VWA5B1: variants seen among roughly 807,000 people sequenced by gnomAD.
VWA5B1 encodes von Willebrand factor A domain containing 5B1, also known as von Willebrand factor A domain-containing protein 5B1.
Under a neutral mutation model 118.2 loss-of-function variants are expected in VWA5B1, and 115 were observed. The observed-to-expected ratio is 0.97, with a 90% CI of 0.84 to 1.14. VWA5B1 has a LOEUF of 1.14. Ranked by LOEUF, VWA5B1 falls within the 50% of genes most tolerant of loss-of-function variation. VWA5B1 has a pLI of 0.00. For synonymous variants in VWA5B1, 682 were observed against 658.4 expected, an observed-to-expected ratio of 1.04 and a Z score of -0.55; for missense variants, 1,596 against 1,603.8, an observed-to-expected ratio of 1.00 and a Z score of 0.08.
Position 20,342,481 on chromosome 1 carries a change from G to C in VWA5B1, c.2183G>C (p.Gly728Ala), listed in dbSNP as rs375883216. The change falls in exon 15 of 22, where the codon GGC becomes GCC. Residue 728 changes from glycine (G) to alanine (A), a missense_variant. Coordinates refer to ENST00000289815, the MANE Select transcript of VWA5B1 (RefSeq NM_001039500.3). ...CTGAACCAGGGCCCCAAACTCCGTG[G>C]CCCAGGGGCCCGAAGGCCCTCTCTG... ...QDLNQGPKLR[G>A]PGARRPSLLP... 6.4e-7 allele frequency: 1 copy of C among 1,551,132 alleles called. No individual in the cohort carries two copies. Among genetic ancestry groups the C allele is most frequent in the Non-Finnish European group, 8.7e-7 (1 of 1,146,846 alleles).
Position 20,310,609 on chromosome 1 carries a change from G to T in VWA5B1, c.8G>T (p.Gly3Val), listed in dbSNP as rs2088817773. 2 of 1,537,644 alleles carry T rather than the reference G, an allele frequency of 1.3e-6. No homozygotes were observed. The highest frequency in any genetic ancestry group is 2.5e-5 in the East Asian group (1 of 40,358). ...GGCTGAGTAGCCAGCGGGATGCCCG[G>T]CTTGCTGAATTGGATCACGGGGGCA... Reference protein sequence around the residue: MPGLLNWITGAAL... With the variant: MPVLLNWITGAAL... The change falls in exon 2 of 22, where the codon GGC becomes GTC. Residue 3 changes from glycine (G) to valine (V), a missense_variant. Gly to Val is a moderately radical substitution (Grantham distance 109). Transcript: ENST00000289815.
intron 8 of VWA5B1, among the ~76,000 whole-genome samples, chr1:20,326,741 G>A (rs938191262): frequency 6.6e-6 from 1 of 152,040 alleles, no homozygotes; most frequent in Non-Finnish European, 1.5e-5. Context: ...GAGTTACCGT[G>A]CCCAGCCAAA....
Position 20,330,859 on chromosome 1 carries a change from T to C in VWA5B1, c.1458-10T>C, listed in dbSNP as rs2072753. The C allele has an allele frequency of 0.48, 744,772 of 1,550,690 alleles. 185,722 individuals carry two copies. The highest frequency in any genetic ancestry group is 0.94 in the East Asian group (38,387 of 40,904). On this transcript the variant is annotated splice_polypyrimidine_tract_variant and intron_variant, in intron 10 of 21. Transcript: ENST00000289815. The stretch of plus-strand genomic sequence containing the variant: ...AAGACATAGCAGCCTCTCTTCTCCC[T>C]TTCCGCCAGGTGCTATAGCTTTGGA...
chr1:20,307,693 A>T (rs1237484895), intron 1 of VWA5B1, among the ~76,000 whole-genome samples: 3 of 152,096 alleles, frequency 2.0e-5, no homozygotes, highest in Non-Finnish European at 4.4e-5. Flanking sequence ...CCAGTGGCTA[A>T]TTCAGGGCCT....
chr1:20,359,326 C>T lies in VWA5B1; in HGVS notation c.*5063C>T, dbSNP rs557614071. The stretch of plus-strand genomic sequence containing the variant: ...GACACTTTCTTCTTCTTGGGATATG[C>T]ATCACCTGCTTGCCTGGTAGCCAAT... On this transcript the variant is annotated 3_prime_UTR_variant, in exon 22 of 22. Transcript: ENST00000289815. 1.6e-4 allele frequency among the ~76,000 whole-genome samples: 25 copies of T among 152,248 alleles called. No homozygotes were observed. The highest frequency in any genetic ancestry group is 5.1e-4 in the African/African-American group (21 of 41,532).
intron 9 of VWA5B1, among the ~76,000 whole-genome samples, chr1:20,328,578 T>G (rs560515631): frequency 1.3e-5 from 2 of 152,148 alleles, no homozygotes; most frequent in South Asian, 4.2e-4. Flanking sequence ...GACAAGCAAA[T>G]GGGACACTTT....
chr1:20,299,054 A>G (rs114915542), intron 1 of VWA5B1, among the ~76,000 whole-genome samples: 2,034 of 152,212 alleles, frequency 0.013, 46 homozygotes, highest in African/African-American at 0.046. Context: ...AGAAAGAAAG[A>G]TTGCACTTAC....
At chr1:20,345,787 G>A (rs954067812) in intron 17 of VWA5B1, among the ~76,000 whole-genome samples, 194 bp downstream of exon 17, 4 of 152,236 alleles carry the variant, frequency 2.6e-5, no homozygotes, top group African/African-American at 9.6e-5. Flanking sequence ...CCACTGCTCT[G>A]CAGAGGCCGT....
chr1:20,327,448 T>G lies in VWA5B1; in HGVS notation c.1144-442T>G, dbSNP rs528184305. Reference sequence around the variant, plus strand: ...GTCCCACAGGAGGGCCAGAAGCCATTCCATCCACAGTGTGACCTGGACCAG... The same window carrying G: ...GTCCCACAGGAGGGCCAGAAGCCATGCCATCCACAGTGTGACCTGGACCAG... On this transcript the variant is annotated intron_variant, in intron 8 of 21. Transcript: ENST00000289815. Among the ~76,000 whole-genome samples the G allele has an allele frequency of 3.9e-5, 6 of 152,272 alleles. No homozygotes were observed. The South Asian group carries it at 1.2e-3, about 32-fold the overall frequency.
In VWA5B1 at chr1:20,313,039, G is replaced by C. The variant is rs1290078862; in HGVS notation, c.292+51G>C. The C allele has an allele frequency of 3.9e-6, 6 of 1,534,878 alleles. No individual in the cohort carries two copies. In the East Asian group the frequency reaches 1.2e-4, roughly 32 times the overall value. ...GGGACCTGGGTTTGGCCAGCCAGAG[G>C]CTGCCTGGGCTGGAGCCTCAGGCCA... On this transcript the variant is annotated intron_variant, in intron 3 of 21. Coordinates refer to ENST00000289815, the MANE Select transcript of VWA5B1 (RefSeq NM_001039500.3).
rs530863729 is a variant in VWA5B1, at chr1:20,314,628, G to T, written c.563+36G>T. On this transcript the variant is annotated intron_variant, in intron 4 of 21. Coordinates refer to ENST00000289815, the MANE Select transcript of VWA5B1 (RefSeq NM_001039500.3). Reference sequence around the variant, plus strand: ...CCTGCCCAGACCAATCAGAGTCCCAGGTGGGCAGCAGAGAGTGCGTCAGGT... The same window carrying T: ...CCTGCCCAGACCAATCAGAGTCCCATGTGGGCAGCAGAGAGTGCGTCAGGT... The T allele has an allele frequency of 7.8e-5, 121 of 1,543,424 alleles. 1 individual carries two copies. In the South Asian group the frequency reaches 1.3e-3, roughly 17 times the overall value.
rs1250747405 is a variant in VWA5B1 at position 20,358,408 on chromosome 1, C to T, written c.*4145C>T. ...CTTATTTGAGGGCCATGCTACTGTT[C>T]CCCTTCTCTCTTCCTTGGCAGGGAC... On this transcript the variant is annotated 3_prime_UTR_variant, in exon 22 of 22. Coordinates refer to ENST00000289815, the MANE Select transcript of VWA5B1 (RefSeq NM_001039500.3). 6.6e-6 allele frequency among the ~76,000 whole-genome samples: 1 copy of T among 152,220 alleles called. No homozygotes were observed. Among genetic ancestry groups the T allele is most frequent in the South Asian group, 2.1e-4 (1 of 4,830 alleles).
At chr1:20,347,432 TTTC>T (rs1183811456) in intron 17 of VWA5B1, among the ~76,000 whole-genome samples, 111 of 150,684 alleles carry the variant, frequency 7.4e-4, no homozygotes, top group Admixed American at 5.4e-3. Context: ...CTATAACTTC[TTTC>T]TTCTTCTTCT....
intron 7 of VWA5B1, among the ~76,000 whole-genome samples, chr1:20,320,750 T>A (rs1039573277): frequency 6.6e-6 from 1 of 152,176 alleles, no homozygotes; most frequent in South Asian, 2.1e-4. Context: ...AATTGGATAA[T>A]GGCAGCTTGA....
At chr1:20,349,989 C>T (rs377459551) in intron 18 of VWA5B1, among the ~76,000 whole-genome samples, 167 bp from the exon 19 acceptor site, 19 of 152,058 alleles carry the variant, frequency 1.2e-4, no homozygotes, top group East Asian at 3.9e-4. Context: ...GGTGGGGCAA[C>T]GGTTATATCT....
intron 9 of VWA5B1, among the ~76,000 whole-genome samples, chr1:20,328,688 G>A (rs761858667): frequency 2.0e-5 from 3 of 152,176 alleles, no homozygotes; most frequent in Admixed American, 1.3e-4. Context: ...TGGGAGGGTC[G>A]CTTGAGCCTA....
intron 21 of VWA5B1, among the ~76,000 whole-genome samples, chr1:20,353,349 G>A (rs1316826252): frequency 1.3e-5 from 2 of 152,130 alleles, no homozygotes; most frequent in African/African-American, 4.8e-5. Context: ...GGGGAGAGGG[G>A]AGGAAAGAGG....
intron 2 of VWA5B1, among the ~76,000 whole-genome samples, chr1:20,311,554 C>T (rs1204171411): frequency 6.6e-6 from 1 of 152,186 alleles, no homozygotes; most frequent in Non-Finnish European, 1.5e-5. Flanking sequence ...ATATGAACCA[C>T]GGTCAGGGAT....
At chr1:20,339,513 G>C (rs1402455645) in intron 14 of VWA5B1, among the ~76,000 whole-genome samples, 1 of 152,202 alleles carries the variant, frequency 6.6e-6, no homozygotes, top group Non-Finnish European at 1.5e-5. Flanking sequence ...CTGCACTCCA[G>C]CCTGGGAGAC....
Sources: gnomAD v4.1 joint callset for allele counts (sites outside exome capture counted in the v4.1 genomes callset) on GRCh38, gnomAD v4.1.1 for gene constraint, MANE v1.5 for transcripts, NCBI Gene and HGNC (gene_info 2026-07-23, HGNC 2026-07-21) for gene names.